The following CSMD1 variants were observed in gnomAD, a reference collection of about 807,000 sequenced individuals.
The protein encoded by CSMD1 is CUB and sushi domain-containing protein 1.
A neutral mutation model predicts 417.5 loss-of-function variants in CSMD1; 213 were observed. The ratio of observed to expected loss-of-function variants is 0.51; its 90% CI spans 0.46 to 0.57. CSMD1 has a LOEUF of 0.57. CSMD1 is among the 20% of genes least tolerant of loss of function. The probability of loss-of-function intolerance (pLI) is 0.00; values close to 1 mark genes in which losing one functional copy is unlikely to be tolerated. For missense variants in CSMD1, 6,923 were observed against 4,529.7 expected, an observed-to-expected ratio of 1.53 and a Z score of -15.17; for synonymous variants, 2,862 against 1,736.8, an observed-to-expected ratio of 1.65 and a Z score of -16.11.
intron 1 of CSMD1, among the ~76,000 whole-genome samples, chr8:4,826,495 T>G (rs1799835936): frequency 6.6e-6 from 1 of 152,162 alleles, no homozygotes; most frequent in Non-Finnish European, 1.5e-5. Flanking sequence ...GTTGTTTTTA[T>G]TTATTTATAC....
intron 6 of CSMD1, among the ~76,000 whole-genome samples, chr8:3,746,947 C>A (rs1293001790): frequency 6.6e-6 from 1 of 152,180 alleles, no homozygotes; most frequent in Non-Finnish European, 1.5e-5. Flanking sequence ...CTGGAACAGG[C>A]CAGTCTGAGA....
chr8:3,278,779 T>G (rs913764799), intron 26 of CSMD1: 1 of 152,088 alleles, frequency 6.6e-6, no homozygotes, highest in Non-Finnish European at 1.5e-5. Flanking sequence ...TGTTTTGCAC[T>G]TTGTGAAGAG....
intron 25 of CSMD1, among the ~76,000 whole-genome samples, chr8:3,297,322 G>T (rs80038321): frequency 0.037 from 5,575 of 152,200 alleles, 166 homozygotes; most frequent in Admixed American, 0.09. Context: ...AATTAAGAGT[G>T]TTTCTGAAAT....
At chr8:3,578,559 T>C (rs1800249208) in intron 9 of CSMD1, among the ~76,000 whole-genome samples, 1 of 152,200 alleles carries the variant, frequency 6.6e-6, no homozygotes, top group South Asian at 2.1e-4. Context: ...TACAAATTTA[T>C]CTGATGTTCT....
intron 3 of CSMD1, among the ~76,000 whole-genome samples, chr8:4,121,178 G>T (rs527626509): frequency 1.1e-4 from 16 of 152,070 alleles, no homozygotes; most frequent in African/African-American, 3.9e-4. Context: ...GCAATGGCAC[G>T]ATCTTAGCTC....
intron 12 of CSMD1, among the ~76,000 whole-genome samples, chr8:3,411,204 A>G (rs1812678285): frequency 6.6e-6 from 1 of 152,184 alleles, no homozygotes; most frequent in Non-Finnish European, 1.5e-5. Flanking sequence ...GTGAAAAGTG[A>G]GTCCCAGGAA....
At chr8:3,457,123 C>T (rs1341655891) in intron 12 of CSMD1, among the ~76,000 whole-genome samples, 4 of 151,776 alleles carry the variant, frequency 2.6e-5, no homozygotes, top group South Asian at 2.1e-4. Flanking sequence ...CTCACCCAGG[C>T]CTCTCCTCCC....
chr8:3,987,430 G>C (rs545546235), intron 5 of CSMD1, among the ~76,000 whole-genome samples: 2 of 152,264 alleles, frequency 1.3e-5, no homozygotes, highest in East Asian at 3.9e-4. Context: ...TCCGTTCCTG[G>C]TACAGTGGTA....
chr8:3,745,779 T>G (rs369201164), intron 6 of CSMD1, among the ~76,000 whole-genome samples: 3 of 152,182 alleles, frequency 2.0e-5, no homozygotes, highest in African/African-American at 2.4e-5. Context: ...ATTCAGATCA[T>G]TAAGAGAACA....
intron 27 of CSMD1, among the ~76,000 whole-genome samples, chr8:3,229,491 C>G (rs1444232771): frequency 1.3e-5 from 2 of 152,134 alleles, no homozygotes; most frequent in South Asian, 4.1e-4. Context: ...TCTGCAAAAT[C>G]ATTTGTTATC....
chr8:3,102,301 G>C (rs1055261144), intron 46 of CSMD1, among the ~76,000 whole-genome samples: 2 of 152,154 alleles, frequency 1.3e-5, no homozygotes, highest in African/African-American at 2.4e-5. Flanking sequence ...TTTCCTGTTT[G>C]TTTTCAAATG....
intron 3 of CSMD1, among the ~76,000 whole-genome samples, chr8:4,418,542 A>G (rs1327355420): frequency 6.6e-6 from 1 of 152,206 alleles, no homozygotes; most frequent in East Asian, 1.9e-4. Context: ...CAAGTTTTCT[A>G]AAATGTGGAA....
intron 6 of CSMD1, among the ~76,000 whole-genome samples, chr8:3,734,037 G>A (rs539055542): frequency 7.5e-5 from 11 of 145,726 alleles, no homozygotes; most frequent in Non-Finnish European, 1.5e-4. Context: ...AATAAACTCA[G>A]GAAGAAATGC....
intron 3 of CSMD1, among the ~76,000 whole-genome samples, chr8:4,122,990 C>T (rs527770588): frequency 1.3e-5 from 2 of 152,184 alleles, no homozygotes; most frequent in African/African-American, 2.4e-5. Context: ...TTGGCAAAGA[C>T]GTGCCACTGA....
intron 3 of CSMD1, among the ~76,000 whole-genome samples, chr8:4,148,985 T>A (rs1242069073): frequency 6.7e-6 from 1 of 150,108 alleles, no homozygotes; most frequent in Admixed American, 6.6e-5. Flanking sequence ...TTTTTTGAGA[T>A]GGAGTTTCAC....
intron 3 of CSMD1, among the ~76,000 whole-genome samples, chr8:4,094,107 T>TC (rs1188670631): frequency 6.6e-6 from 1 of 152,022 alleles, no homozygotes; most frequent in African/African-American, 2.4e-5. Flanking sequence ...GAAAACGGCT[T>TC]CCCCAACAGA....
chr8:4,319,590 C>G (rs931936891), intron 3 of CSMD1, among the ~76,000 whole-genome samples: 1 of 152,056 alleles, frequency 6.6e-6, no homozygotes, highest in African/African-American at 2.4e-5. Flanking sequence ...ACAGGAAATA[C>G]AGAGTGGTGA....
At chr8:3,189,206 T>C (rs1035044079) in intron 34 of CSMD1, among the ~76,000 whole-genome samples, 195 bp from the exon 35 acceptor site, 5 of 152,368 alleles carry the variant, frequency 3.3e-5, no homozygotes, top group African/African-American at 7.2e-5. Context: ...TTACCTATTA[T>C]GCTACTCAGT....
intron 5 of CSMD1, among the ~76,000 whole-genome samples, chr8:3,882,343 A>G (rs929811787): frequency 2.0e-5 from 3 of 152,226 alleles, no homozygotes; most frequent in Non-Finnish European, 4.4e-5. Context: ...TAAAATCTCG[A>G]CGATGACAGA....
Sources: allele counts gnomAD v4.1 joint callset (sites outside exome capture counted in the v4.1 genomes callset), GRCh38; gene constraint gnomAD v4.1.1; transcripts MANE v1.5; gene names NCBI Gene and HGNC (gene_info 2026-07-23, HGNC 2026-07-21).